The following SETDB2 variants were observed in gnomAD, a reference collection of about 807,000 sequenced individuals.
The protein encoded by SETDB2 is SET domain bifurcated histone lysine methyltransferase 2.
A neutral mutation model predicts 82.5 loss-of-function variants in SETDB2; 56 were observed. That is an observed-to-expected ratio of 0.68 (90% CI 0.55 to 0.85). The LOEUF is 0.85. Ranked by LOEUF, SETDB2 falls within the 40% of genes least tolerant of loss-of-function variation. The pLI, the probability that SETDB2 is intolerant of heterozygous loss-of-function variation, is 0.00. For synonymous variants in SETDB2, 272 were observed against 284.9 expected (o/e 0.95, Z 0.46); for missense variants, 677 against 816.4 (o/e 0.83, Z 2.08).
At position 49,487,282 on chromosome 13, in the gene SETDB2, C is replaced by T. The variant is rs1448594856; in HGVS notation, c.1577-1008C>T. Reference sequence around the variant, plus strand: ...TTAGGTGGTCCAAATAGCTTTGTGGCTCTTTTAAAGTAAGTAATTTATACT... The same window carrying T: ...TTAGGTGGTCCAAATAGCTTTGTGGTTCTTTTAAAGTAAGTAATTTATACT... On this transcript the variant is annotated intron_variant, in intron 11 of 13. Transcript: ENST00000611815. Among the ~76,000 whole-genome samples, 3 of 152,040 alleles carry T rather than the reference C, an allele frequency of 2.0e-5. 1 individual carries two copies. The highest frequency in any genetic ancestry group is 7.2e-5 in the African/African-American group (3 of 41,396).
At chr13:49,459,409 ATTAG>A (rs1373866017) in intron 2 of SETDB2, among the ~76,000 whole-genome samples, 2 of 152,184 alleles carry the variant, frequency 1.3e-5, no homozygotes, top group African/African-American at 4.8e-5. Flanking sequence ...TATAGGCCCT[ATTAG>A]TTAATTTTAA....
intron 2 of SETDB2, among the ~76,000 whole-genome samples, chr13:49,452,200 C>T (rs192431751): frequency 2.9e-4 from 44 of 151,990 alleles, no homozygotes; most frequent in African/African-American, 1.1e-3. Context: ...CAACCTCTGC[C>T]TCCTGGGATC....
intron 11 of SETDB2, among the ~76,000 whole-genome samples, chr13:49,487,338 C>A (rs559734944): frequency 1.9e-4 from 28 of 148,456 alleles, no homozygotes; most frequent in African/African-American, 6.7e-4. Flanking sequence ...CATATCTTTT[C>A]TTTTTTTTTT....
At chr13:49,478,177 G>C (rs1208277360) in intron 6 of SETDB2, among the ~76,000 whole-genome samples, 1 of 152,202 alleles carries the variant, frequency 6.6e-6, no homozygotes, top group Non-Finnish European at 1.5e-5. Context: ...GTTTGGCTCA[G>C]TTCCTTGAGG....
At chr13:49,446,818 A>G (rs1433159263) in intron 1 of SETDB2, among the ~76,000 whole-genome samples, 2 of 152,200 alleles carry the variant, frequency 1.3e-5, no homozygotes, top group Non-Finnish European at 2.9e-5. Flanking sequence ...TCACCATACA[A>G]CAATGCTGCA....
intron 12 of SETDB2, 87 bp downstream of exon 12, chr13:49,488,717 C>G: frequency 9.1e-7 from 1 of 1,104,266 alleles, no homozygotes; most frequent in Non-Finnish European, 1.3e-6. Flanking sequence ...TAAACAGACT[C>G]TAAAGTCAGA....
intron 5 of SETDB2, among the ~76,000 whole-genome samples, chr13:49,468,873 AT>A (rs903400792): frequency 1.7e-4 from 26 of 150,858 alleles, no homozygotes; most frequent in African/African-American, 4.9e-4. Context: ...CTCACAAAAC[AT>A]TTTTTTTTCT....
intron 8 of SETDB2, among the ~76,000 whole-genome samples, chr13:49,481,748 A>G (rs75655571): frequency 0.011 from 1,714 of 152,344 alleles, 28 homozygotes; most frequent in African/African-American, 0.039. Context: ...CATGTCAGGC[A>G]AAATCCCTTA....
At position 49,470,847 on chromosome 13, in the gene SETDB2, A is replaced by G. The variant is rs143247675; in HGVS notation, c.305+2887A>G. 7.7e-3 allele frequency among the ~76,000 whole-genome samples: 1,173 copies of G among 152,284 alleles called. 16 individuals carry two copies. The highest frequency in any genetic ancestry group is 0.027 in the African/African-American group (1,109 of 41,538). ...GTGACAGAGTGAGACCCTATTTCAA[A>G]AAAAGATTATACAAACTATCAACGG... On this transcript the variant is annotated intron_variant, in intron 5 of 13. Coordinates refer to ENST00000611815, the MANE Select transcript of SETDB2 (RefSeq NM_001160308.3).
intron 11 of SETDB2, among the ~76,000 whole-genome samples, chr13:49,487,561 T>C (rs1056611701): frequency 2.0e-5 from 3 of 152,208 alleles, no homozygotes; most frequent in Non-Finnish European, 2.9e-5. Flanking sequence ...CAGGCTGGTC[T>C]TGAATTCCTG....
chr13:49,449,968 A>G (rs182913670), intron 1 of SETDB2, among the ~76,000 whole-genome samples: 2 of 152,296 alleles, frequency 1.3e-5, no homozygotes, highest in East Asian at 1.9e-4. Flanking sequence ...TTAGTATGGA[A>G]AGATAGCTTG....
chr13:49,464,531 C>T lies in SETDB2; in HGVS notation c.209-3333C>T, dbSNP rs74076019. ...TTTCTTTCTGAAGAACCTTTTTTTC[C>T]GTAAAAAGTAAGTTGGTTTTTGTTT... On this transcript the variant is annotated intron_variant, in intron 4 of 13. Transcript: ENST00000611815. 9.4e-3 allele frequency among the ~76,000 whole-genome samples: 1,428 copies of T among 151,924 alleles called. 25 individuals are homozygous for T. Among genetic ancestry groups the T allele is most frequent in the African/African-American group, 0.032 (1,308 of 41,424 alleles).
At chr13:49,490,965 A>G (rs1253934176) in intron 13 of SETDB2, 55 bp downstream of exon 13, 103 of 1,431,936 alleles carry the variant, frequency 7.2e-5, no homozygotes, top group African/African-American at 1.1e-4. Flanking sequence ...AAAAATAACA[A>G]TAGAGGGCTG....
At position 49,476,643 on chromosome 13, in the gene SETDB2, A is replaced by G; in HGVS notation, c.473A>G (p.Lys158Arg). 2 of 1,614,158 alleles carry G rather than the reference A, an allele frequency of 1.2e-6. No individual in the cohort carries two copies. The highest frequency in any genetic ancestry group is 1.7e-6 in the Non-Finnish European group (2 of 1,180,024). ...KGENPLQLPI[K>R]CHFQRRHAKT... The stretch of plus-strand genomic sequence containing the variant: ...GAAAACCCTCTGCAGCTGCCAATCA[A>G]ATGTCACTTCCAAAGACGACATGCA... Residue 158 changes from lysine (K) to arginine (R), a missense_variant, in exon 6 of 14, where the codon AAA becomes AGA. Physicochemically the swap from Lys to Arg is conservative, Grantham distance 26. Coordinates refer to ENST00000611815, the MANE Select transcript of SETDB2 (RefSeq NM_001160308.3).
At position 49,476,575 on chromosome 13, in the gene SETDB2, C is replaced by T; in HGVS notation, c.405C>T (p.Cys135=). 6.2e-7 allele frequency: 1 copy of T among 1,614,158 alleles called. No individual in the cohort carries two copies. The change falls in exon 6 of 14, where the codon TGC becomes TGT. Residue 135 remains cysteine (C), a synonymous_variant. Coordinates refer to ENST00000611815, the MANE Select transcript of SETDB2 (RefSeq NM_001160308.3). ...ATTTATCTTACCAAAGTCATGACTG[C>T]TCTGGTGCTTGTCTGATGAAAATGC... ...SSNLSYQSHD[C]SGACLMKMPL...
intron 6 of SETDB2, among the ~76,000 whole-genome samples, chr13:49,478,797 G>A (rs570001851): frequency 1.1e-3 from 167 of 152,104 alleles, no homozygotes; most frequent in African/African-American, 3.5e-3. Context: ...GTGGTGGGAC[G>A]CCCTTGTAGT....
At chr13:49,464,843 C>G (rs972141881) in intron 4 of SETDB2, among the ~76,000 whole-genome samples, 1 of 152,022 alleles carries the variant, frequency 6.6e-6, no homozygotes, top group Admixed American at 6.5e-5. Context: ...GGGAGGATCA[C>G]CTGAGCCCAG....
intron 5 of SETDB2, 75 bp from the exon 6 acceptor site, chr13:49,476,401 A>C: frequency 9.9e-7 from 1 of 1,007,564 alleles, no homozygotes; most frequent in Admixed American, 2.5e-5. Context: ...AGAAGGTAGA[A>C]AATAATCATA....
At chr13:49,468,632 T>TTTTTTTTTTTTTTTTTTTTTGAGACGGA (rs1291138861) in intron 5 of SETDB2, among the ~76,000 whole-genome samples, 1 of 151,128 alleles carries the variant, frequency 6.6e-6, no homozygotes, top group Non-Finnish European at 1.5e-5. Flanking sequence ...TAATTTCATT[T>TTTTTTTTTTTTTTTTTTTTTGAGACGGA]GTTCTTTCAG....
Sources: allele counts gnomAD v4.1 joint callset (sites outside exome capture counted in the v4.1 genomes callset), GRCh38; gene constraint gnomAD v4.1.1; transcripts MANE v1.5; gene names NCBI Gene and HGNC (gene_info 2026-07-23, HGNC 2026-07-21).